The following PINX1 variants were observed in gnomAD, a reference collection of about 807,000 sequenced individuals.
The protein encoded by PINX1 is PIN2 (TERF1) interacting telomerase inhibitor 1.
In PINX1, 34 loss-of-function variants were observed where a neutral mutation model predicts 25.4. The observed-to-expected ratio is 1.34, with a 90% CI of 1.02 to 1.78. The LOEUF (loss-of-function observed/expected upper bound fraction) is 1.78. Among genes scored for constraint, PINX1 ranks in the 40% most tolerant of loss-of-function variants. The pLI, the probability that PINX1 is intolerant of heterozygous loss-of-function variation, is 0.00. For missense variants in PINX1, 592 were observed against 404.9 expected (o/e 1.46, Z -3.97); for synonymous variants, 197 against 147.7 (o/e 1.33, Z -2.42).
rs748055879 is a variant in PINX1, at chr8:10,765,826, C to T, written c.562G>A (p.Ala188Thr). 1.1e-5 allele frequency: 18 copies of T among 1,613,862 alleles called. No homozygotes were observed. The highest frequency in any genetic ancestry group is 1.4e-5 in the Non-Finnish European group (17 of 1,179,902). Reference sequence around the variant, plus strand: ...GGAACCTGGGGCTTGTTCTTCAGTGCTGCCATCCGCTTGGCAAAGTACTCC... The same window carrying T: ...GGAACCTGGGGCTTGTTCTTCAGTGTTGCCATCCGCTTGGCAAAGTACTCC... ...IQEYFAKRMA[A>T]LKNKPQVPVP... Residue 188 changes from alanine to threonine, a missense_variant, in exon 7 of 7, where the codon GCA (alanine) becomes ACA (threonine). Ala to Thr is a moderately conservative substitution (Grantham distance 58, BLOSUM62 0). Transcript: ENST00000314787.
intron 6 of PINX1, among the ~76,000 whole-genome samples, chr8:10,809,505 T>A (rs1802559565): frequency 6.6e-6 from 1 of 152,236 alleles, no homozygotes. Context: ...CCCTGCACTC[T>A]GAATTAGAAG....
intron 6 of PINX1, among the ~76,000 whole-genome samples, chr8:10,768,734 G>T (rs1056317236): frequency 2.0e-5 from 3 of 152,206 alleles, no homozygotes; most frequent in Non-Finnish European, 2.9e-5. Context: ...TCCTGCAGGA[G>T]CAATGGCCAG....
At chr8:10,827,750 C>CA (rs35845472) in intron 4 of PINX1, among the ~76,000 whole-genome samples, 8,595 of 141,916 alleles carry the variant, frequency 0.061, 277 homozygotes, top group Middle Eastern at 0.085. Context: ...ACTAAAAATA[C>CA]AAAAAAAAAA....
At chr8:10,838,062 C>A (rs1163474326) in intron 1 of PINX1, among the ~76,000 whole-genome samples, 1 of 152,202 alleles carries the variant, frequency 6.6e-6, no homozygotes, top group African/African-American at 2.4e-5. Flanking sequence ...TAACCCTAAC[C>A]AAGTTGTCGC....
At chr8:10,802,864 C>T (rs1414914210) in intron 6 of PINX1, among the ~76,000 whole-genome samples, 1 of 152,148 alleles carries the variant, frequency 6.6e-6, no homozygotes, top group Non-Finnish European at 1.5e-5. Context: ...GCTTCCAGCC[C>T]TGACTTCTAC....
Position 10,765,523 on chromosome 8 carries a change from A to G in PINX1, c.865T>C (p.Phe289Leu). Residue 289 changes from phenylalanine to leucine, a missense_variant, in exon 7 of 7, where the codon TTC (phenylalanine) becomes CTC (leucine). Transcript: ENST00000314787. ...CTCCTCTTTTTGGGCTTCAGGGTGA[A>G]GTCCCGGCCCTCAGGCGGCTGCACA... is the stretch of plus-strand genomic sequence containing the variant. Reference protein sequence around the residue: ...DHVQPPEGRDFTLKPKKRRGK... With the variant: ...DHVQPPEGRDLTLKPKKRRGK... 1 of 1,613,674 alleles carries G rather than the reference A, an allele frequency of 6.2e-7. No individual in the cohort carries two copies. Among genetic ancestry groups the G allele is most frequent in the Non-Finnish European group, 8.5e-7 (1 of 1,179,884 alleles).
chr8:10,814,259 G>A (rs1797625640), intron 6 of PINX1, among the ~76,000 whole-genome samples: 1 of 152,198 alleles, frequency 6.6e-6, no homozygotes, highest in African/African-American at 2.4e-5. Context: ...TCCCCACACA[G>A]AACAGTTTAT....
intron 2 of PINX1, chr8:10,833,508 T>C (rs1296177231): frequency 6.3e-6 from 1 of 157,718 alleles, no homozygotes; most frequent in East Asian, 1.9e-4. Context: ...GCTCAAGTGA[T>C]GACAGTGGCT....
intron 6 of PINX1, among the ~76,000 whole-genome samples, chr8:10,819,425 C>T (rs2409654): frequency 0.25 from 38,481 of 152,088 alleles, 5,162 homozygotes; most frequent in Non-Finnish European, 0.28. Flanking sequence ...AGCTGAGTAA[C>T]AGTGGTCACA....
intron 6 of PINX1, among the ~76,000 whole-genome samples, chr8:10,802,191 T>C (rs1232884325): frequency 6.6e-6 from 1 of 152,168 alleles, no homozygotes; most frequent in Non-Finnish European, 1.5e-5. Flanking sequence ...TCGAAAAGCC[T>C]GCAGCATTCA....
chr8:10,810,589 A>C (rs1046332941), intron 6 of PINX1, among the ~76,000 whole-genome samples: 2 of 152,194 alleles, frequency 1.3e-5, no homozygotes, highest in Admixed American at 6.5e-5. Flanking sequence ...TCTAGATATG[A>C]GGAAATATAA....
chr8:10,811,359 T>G (rs1423273089), intron 6 of PINX1, among the ~76,000 whole-genome samples: 1 of 152,196 alleles, frequency 6.6e-6, no homozygotes, highest in East Asian at 1.9e-4. Flanking sequence ...GATGACCTGA[T>G]TTCCTCATTC....
intron 6 of PINX1, among the ~76,000 whole-genome samples, chr8:10,798,184 T>G (rs1802150522): frequency 6.6e-6 from 1 of 152,224 alleles, no homozygotes; most frequent in Non-Finnish European, 1.5e-5. Flanking sequence ...TTTGAAAACT[T>G]AACTGCATTT....
intron 2 of PINX1, among the ~76,000 whole-genome samples, chr8:10,834,075 G>C (rs1479413969): frequency 1.3e-5 from 2 of 152,114 alleles, no homozygotes; most frequent in African/African-American, 2.4e-5. Context: ...GAATGAATGA[G>C]ATCACTGCAG....
In PINX1 at chr8:10,839,668, G is replaced by A. The variant is rs780523152; in HGVS notation, c.19+70C>T. On this transcript the variant is annotated intron_variant, in intron 1 of 6. Transcript: ENST00000314787. ...GGCAACCCGAGCTCCCAGCCACTCC[G>A]GGCTGCCGTGCGCGTCACCCGGCAT... 6 of 1,512,678 alleles carry A rather than the reference G, an allele frequency of 4.0e-6. No homozygotes were observed. The Admixed American group carries it at 5.7e-5, about 14-fold the overall frequency. 93.7% of individuals were successfully genotyped at this position (1,512,678 alleles called of 1,614,324 possible). A position where few individuals can be genotyped will look rare whatever the true frequency, so the allele number is the denominator to read the frequency against.
intron 6 of PINX1, among the ~76,000 whole-genome samples, chr8:10,799,516 C>G (rs953761101): frequency 6.6e-6 from 1 of 152,192 alleles, no homozygotes; most frequent in Non-Finnish European, 1.5e-5. Context: ...TTCCCCAACA[C>G]ACCTGCTTGG....
chr8:10,804,392 G>T (rs978976877), intron 6 of PINX1, among the ~76,000 whole-genome samples: 7 of 152,178 alleles, frequency 4.6e-5, no homozygotes, highest in African/African-American at 1.7e-4. Context: ...ACAGAGCTGG[G>T]TGAGAAGAGC....
intron 6 of PINX1, among the ~76,000 whole-genome samples, chr8:10,787,270 AGGCTGGAGAGCAGT>A (rs1801781989): frequency 2.0e-5 from 3 of 152,068 alleles, no homozygotes. Context: ...CTTTATCACC[AGGCTGGAGAGCAGT>A]GGCGCAAACA....
intron 6 of PINX1, among the ~76,000 whole-genome samples, chr8:10,806,369 T>A (rs1290429619): frequency 2.0e-5 from 3 of 152,126 alleles, no homozygotes; most frequent in Non-Finnish European, 2.9e-5. Context: ...ATACAACTCA[T>A]AAGGAAGTAA....
Sources: allele counts gnomAD v4.1 joint callset (sites outside exome capture counted in the v4.1 genomes callset), GRCh38; gene constraint gnomAD v4.1.1; transcripts MANE v1.5; gene names NCBI Gene and HGNC (gene_info 2026-07-23, HGNC 2026-07-21).